The following SHTN1 variants were observed in gnomAD, a reference collection of about 807,000 sequenced individuals.
The protein encoded by SHTN1 is shootin 1.
A neutral mutation model predicts 83.1 loss-of-function variants in SHTN1; 42 were observed. The observed-to-expected ratio is 0.51, with a 90% CI of 0.39 to 0.65. The LOEUF is 0.65. Ranked by LOEUF, SHTN1 falls within the 30% of genes least tolerant of loss-of-function variation. The pLI, the probability that SHTN1 is intolerant of heterozygous loss-of-function variation, is 0.00. For missense variants in SHTN1, 622 were observed against 737.8 expected, an observed-to-expected ratio of 0.84 and a Z score of 1.82; for synonymous variants, 224 against 247.7, an observed-to-expected ratio of 0.90 and a Z score of 0.90.
intron 1 of SHTN1, among the ~76,000 whole-genome samples, chr10:117,089,596 T>G (rs191986701): frequency 1.4e-3 from 219 of 152,056 alleles, no homozygotes; most frequent in Non-Finnish European, 2.3e-3. Flanking sequence ...TAAACTGAAC[T>G]ACATCAAGAT....
At chr10:117,093,912 A>G (rs186156761) in intron 1 of SHTN1, among the ~76,000 whole-genome samples, 279 of 152,326 alleles carry the variant, frequency 1.8e-3, no homozygotes, top group African/African-American at 6.3e-3. Context: ...ACCTGGGTAA[A>G]TAAAAGGTTC....
Position 116,884,415 on chromosome 10 carries a change from T to TA in SHTN1, c.*1928dup. The TA allele has an allele frequency of 2.7e-6, 1 of 367,544 alleles. No individual in the cohort carries two copies. The highest frequency in any genetic ancestry group is 2.0e-5 in the South Asian group (1 of 50,046). 22.8% of individuals were successfully genotyped at this position (367,544 alleles called of 1,614,324 possible). A position where few individuals can be genotyped will look rare whatever the true frequency, so the allele number is the denominator to read the frequency against. ...TCACAGTGAGAGAAAGTAAGCAGCT[T>TA]AAAAAAGGCAGGAATACTTTCAAAA... On this transcript the variant is annotated 3_prime_UTR_variant, in exon 17 of 17. Transcript: ENST00000355371.
At chr10:116,914,820 G>A (rs1388649158) in intron 13 of SHTN1, among the ~76,000 whole-genome samples, 1 of 152,150 alleles carries the variant, frequency 6.6e-6, no homozygotes, top group Non-Finnish European at 1.5e-5. Context: ...TCTAGTTTAG[G>A]AGAGAGTTTT....
chr10:117,095,101 G>A (rs1853486274), intron 1 of SHTN1, among the ~76,000 whole-genome samples: 1 of 152,172 alleles, frequency 6.6e-6, no homozygotes, highest in Non-Finnish European at 1.5e-5. Flanking sequence ...ATCTCTTGGC[G>A]AATATCAAAG....
At position 116,960,350 on chromosome 10, in the gene SHTN1, A is replaced by G. The variant is rs1850141540; in HGVS notation, c.173-120T>C. 5 of 577,156 alleles carry G rather than the reference A, an allele frequency of 8.7e-6. No individual in the cohort carries two copies. The African/African-American group carries it at 9.3e-5, about 11-fold the overall frequency. The allele number at this position is 577,156 out of a possible 1,614,324, so 35.8% of individuals were successfully genotyped here. ...TCTTTGGCTAGCCAGACCTTTAGCT[A>G]TCACTGAAAAAAGGTTTTTGAGAAG... is the stretch of plus-strand genomic sequence containing the variant. On this transcript the variant is annotated intron_variant, in intron 3 of 16. Coordinates refer to ENST00000355371, the MANE Select transcript of SHTN1 (RefSeq NM_001127211.3).
intron 13 of SHTN1, 71 bp from the exon 14 acceptor site, chr10:116,911,914 T>C: frequency 3.7e-6 from 4 of 1,078,168 alleles, no homozygotes; most frequent in East Asian, 4.7e-5. Context: ...GATTTTTACA[T>C]GGCAAACTAT....
intron 14 of SHTN1, chr10:116,907,998 C>A: frequency 8.6e-6 from 4 of 467,246 alleles, no homozygotes; most frequent in Admixed American, 7.0e-5. Flanking sequence ...TCTTCTTTAG[C>A]ATGTAAAACA....
intron 10 of SHTN1, 109 bp downstream of exon 10, chr10:116,929,740 C>T: frequency 1.6e-6 from 1 of 615,426 alleles, no homozygotes; most frequent in Non-Finnish European, 2.5e-6. Flanking sequence ...TGGTATTTTT[C>T]CACAGCATTC....
chr10:117,026,729 A>G (rs1852337838), intron 2 of SHTN1, among the ~76,000 whole-genome samples: 1 of 152,172 alleles, frequency 6.6e-6, no homozygotes, highest in Non-Finnish European at 1.5e-5. Flanking sequence ...GTCAAATTCC[A>G]GATAGACTTC....
At chr10:116,938,167 A>C (rs559562374) in intron 9 of SHTN1, among the ~76,000 whole-genome samples, 190 of 151,928 alleles carry the variant, frequency 1.3e-3, no homozygotes, top group African/African-American at 4.4e-3. Flanking sequence ...TACTTCTGTC[A>C]ATTTGTCAAA....
chr10:117,020,334 T>TAA (rs34102272), intron 2 of SHTN1, among the ~76,000 whole-genome samples: 1 of 134,926 alleles, frequency 7.4e-6, no homozygotes. Flanking sequence ...TAATAAAAAT[T>TAA]AAAAAAAAAA....
At chr10:116,935,207 T>C (rs533776534) in intron 9 of SHTN1, among the ~76,000 whole-genome samples, 101 of 152,344 alleles carry the variant, frequency 6.6e-4, no homozygotes, top group Admixed American at 2.0e-3. Context: ...CTGTGTTGAA[T>C]AGGCGTGGTG....
intron 1 of SHTN1, among the ~76,000 whole-genome samples, chr10:117,084,761 G>A (rs187055923): frequency 1.2e-4 from 19 of 152,294 alleles, no homozygotes; most frequent in African/African-American, 4.1e-4. Flanking sequence ...TAAGCCCGTC[G>A]GAAAAGCGCA....
chr10:117,040,724 C>T (rs1852571085), intron 2 of SHTN1, among the ~76,000 whole-genome samples: 2 of 152,222 alleles, frequency 1.3e-5, no homozygotes, highest in South Asian at 4.1e-4. Context: ...CTTTTCATTA[C>T]TTTTGTGGTG....
intron 4 of SHTN1, among the ~76,000 whole-genome samples, chr10:116,955,440 C>T (rs1194415153): frequency 2.0e-5 from 3 of 152,064 alleles, no homozygotes; most frequent in Admixed American, 6.6e-5. Context: ...TTACTAGAGC[C>T]CTTGACCAGG....
intron 2 of SHTN1, among the ~76,000 whole-genome samples, chr10:116,970,727 A>AC (rs1850586778): frequency 6.6e-6 from 1 of 151,842 alleles, no homozygotes; most frequent in South Asian, 2.1e-4. Context: ...AAAAAAAAAA[A>AC]CAAACCATCA....
chr10:116,959,402 A>G (rs552123390), intron 4 of SHTN1, among the ~76,000 whole-genome samples: 3 of 152,320 alleles, frequency 2.0e-5, no homozygotes, highest in Admixed American at 1.3e-4. Flanking sequence ...GTAGGATTTC[A>G]GTCACATCCA....
At chr10:116,953,623 G>GTTTT (rs759706275) in intron 5 of SHTN1, among the ~76,000 whole-genome samples, 978 of 92,588 alleles carry the variant, frequency 0.011, 23 homozygotes, top group Non-Finnish European at 0.013. Context: ...TTTGTGTTTT[G>GTTTT]TTTTTTTTTT....
intron 1 of SHTN1, among the ~76,000 whole-genome samples, chr10:117,087,471 T>C (rs1722163867): frequency 6.6e-6 from 1 of 152,100 alleles, no homozygotes; most frequent in South Asian, 2.1e-4. Flanking sequence ...ATTTGGCACA[T>C]GACAGAGATG....
Sources: allele counts gnomAD v4.1 joint callset (sites outside exome capture counted in the v4.1 genomes callset), GRCh38; gene constraint gnomAD v4.1.1; transcripts MANE v1.5; gene names NCBI Gene and HGNC (gene_info 2026-07-23, HGNC 2026-07-21).